Variants in BBS5 observed in about 807,000 individuals in gnomAD.
BBS5 encodes the protein BBSome complex member BBS5.
Under a neutral mutation model 50.2 loss-of-function variants are expected in BBS5, and 39 were observed. That is an observed-to-expected ratio of 0.78 (90% CI 0.60 to 1.01). The LOEUF (loss-of-function observed/expected upper bound fraction) is 1.01, where lower values mean the gene tolerates loss of function less well. Among genes scored for constraint, BBS5 ranks in the 50% least tolerant of loss-of-function variants. BBS5 has a pLI of 0.00. For missense variants in BBS5, 356 were observed against 401.5 expected (o/e 0.89, Z 0.97); for synonymous variants, 134 against 133.1 (o/e 1.01, Z -0.05).
chr2:169,479,649 G>T (rs749764100), intron 1 of BBS5, 37 bp downstream of exon 1: 158 of 1,612,114 alleles, frequency 9.8e-5, no homozygotes, highest in Non-Finnish European at 1.3e-4. Flanking sequence ...CTTCAACCCT[G>T]TAGAGGGCGC....
intron 10 of BBS5, among the ~76,000 whole-genome samples, chr2:169,504,089 A>AT (rs1163165348): frequency 2.6e-5 from 4 of 152,192 alleles, no homozygotes; most frequent in East Asian, 1.9e-4. Context: ...TACAAAGCAC[A>AT]TTTTTTACAA....
intron 2 of BBS5, among the ~76,000 whole-genome samples, chr2:169,486,199 C>T (rs1037393033): frequency 6.6e-6 from 1 of 152,142 alleles, no homozygotes; most frequent in Non-Finnish European, 1.5e-5. Context: ...TGATTTTAGA[C>T]ATTATAGAGG....
In BBS5 at chr2:169,492,973, T is replaced by C. The variant is rs1381683709; in HGVS notation, c.486T>C (p.Asp162=). ...TGTTGCCACAAGAACATGTATATGA[T>C]AAAATAAATGGAGTTTGGAATTTAT... ...LRLLPQEHVY[D]KINGVWNLSS... The change falls in exon 6 of 12, where the codon GAT becomes GAC. Residue 162 remains aspartate (D), a synonymous_variant. Transcript: ENST00000295240. The C allele has an allele frequency of 6.2e-7, 1 of 1,613,610 alleles. No homozygotes were observed. The highest frequency in any genetic ancestry group is 1.3e-5 in the African/African-American group (1 of 74,914).
rs992200486 is a variant in BBS5 at position 169,505,398 on chromosome 2, G to A, written c.*816G>A. On this transcript the variant is annotated 3_prime_UTR_variant, in exon 12 of 12. Coordinates refer to ENST00000295240, the MANE Select transcript of BBS5 (RefSeq NM_152384.3). ...CCACCCCGTCTGGGAAGTGAGGAGC[G>A]TCTCTGCCTGGCTGCCCATTGTCTG... 2.9e-5 allele frequency: 10 copies of A among 339,336 alleles called. No individual in the cohort carries two copies. The highest frequency in any genetic ancestry group is 6.6e-5 in the African/African-American group (3 of 45,250). 21.0% of individuals were successfully genotyped at this position (339,336 alleles called of 1,614,324 possible).
intron 9 of BBS5, among the ~76,000 whole-genome samples, chr2:169,500,387 C>T (rs1683777184): frequency 6.6e-6 from 1 of 152,226 alleles, no homozygotes; most frequent in South Asian, 2.1e-4. Flanking sequence ...ATCACTGGGA[C>T]AGTCACTCAC....
At chr2:169,498,794 G>A (rs1171869578) in intron 8 of BBS5, among the ~76,000 whole-genome samples, 2 of 142,156 alleles carry the variant, frequency 1.4e-5, no homozygotes, top group African/African-American at 2.6e-5. Context: ...CCGACAGAGC[G>A]AGACTCTGTC....
chr2:169,486,441 AG>A (rs1335527150), intron 2 of BBS5, among the ~76,000 whole-genome samples: 2 of 152,196 alleles, frequency 1.3e-5, no homozygotes, highest in African/African-American at 4.8e-5. Flanking sequence ...ACTATTGTAC[AG>A]GACACATTTT....
chr2:169,493,914 A>G (rs1683648841), intron 7 of BBS5, 78 bp downstream of exon 7: 1 of 943,368 alleles, frequency 1.1e-6, no homozygotes, highest in East Asian at 2.6e-5. Flanking sequence ...GGACTTTTAG[A>G]TGAGTTCTTT....
chr2:169,493,805 GT>G lies in BBS5; in HGVS notation c.591del (p.Phe197LeufsTer13). The G allele has an allele frequency of 6.2e-7, 1 of 1,611,140 alleles. No homozygotes were observed. Among genetic ancestry groups the G allele is most frequent in the Non-Finnish European group, 8.5e-7 (1 of 1,177,470 alleles). On this transcript the variant is annotated frameshift_variant, in exon 7 of 12. Transcript: ENST00000295240. LOFTEE classifies it high-confidence loss of function. Reference protein sequence around the residue: ...RIVWHANMNDSFNVSIPYLQI... With the variant: ...RIVWHANMNDXFNVSIPYLQI... Reference sequence around the variant, plus strand: ...GTGTGGCATGCAAATATGAATGATAGTTTTAATGTCAGTATACCATATCTGC... The same window carrying G: ...GTGTGGCATGCAAATATGAATGATAGTTTAATGTCAGTATACCATATCTGC...
Position 169,488,133 on chromosome 2 carries a change from G to A in BBS5, c.386+19G>A. ...TACACAGGTATAGTAATACTTTATG[G>A]ATTATTGAATATTTTTTGTTTACTC... is the stretch of plus-strand genomic sequence containing the variant. On this transcript the variant is annotated intron_variant, in intron 5 of 11. Transcript: ENST00000295240. 1.9e-6 allele frequency: 3 copies of A among 1,610,944 alleles called. No homozygotes were observed. The highest frequency in any genetic ancestry group is 1.7e-6 in the Non-Finnish European group (2 of 1,178,102).
rs532756977 is a variant in BBS5 at position 169,494,019 on chromosome 2, A to G, written c.618+183A>G. ...AATATTTCAATGTAGAAAAGATCCA[A>G]TTGTACTGCATTCCAGAGAAGCAGC... On this transcript the variant is annotated intron_variant, in intron 7 of 11. Transcript: ENST00000295240. Among the ~76,000 whole-genome samples, 5 of 152,360 alleles carry G rather than the reference A, an allele frequency of 3.3e-5. No homozygotes were observed. In the South Asian group the frequency reaches 8.3e-4, roughly 25 times the overall value.
intron 8 of BBS5, among the ~76,000 whole-genome samples, chr2:169,498,031 A>G (rs1158436355): frequency 6.6e-6 from 1 of 152,190 alleles, no homozygotes; most frequent in South Asian, 2.1e-4. Context: ...AAGGGAACTG[A>G]GGCTTTGAGA....
chr2:169,487,641 AT>A (rs898183375), intron 3 of BBS5, 164 bp from the exon 4 acceptor site: 9 of 494,332 alleles, frequency 1.8e-5, no homozygotes, highest in African/African-American at 1.8e-4. Flanking sequence ...AGTTTTTTTA[AT>A]TATTTAATTT....
At chr2:169,487,024 G>T (rs749282553) in intron 2 of BBS5, 45 bp from the exon 3 acceptor site, 4 of 1,295,492 alleles carry the variant, frequency 3.1e-6, no homozygotes, top group Admixed American at 1.7e-5. Context: ...CTGCAAAAAT[G>T]GGTTCTTATT....
chr2:169,493,334 G>A (rs992333646), intron 6 of BBS5, among the ~76,000 whole-genome samples: 2 of 151,790 alleles, frequency 1.3e-5, no homozygotes, highest in African/African-American at 2.4e-5. Flanking sequence ...ATATTCATGG[G>A]GATTATTACA....
At chr2:169,493,860 CT>C (rs758879759) in intron 7 of BBS5, 24 bp downstream of exon 7, 2 of 1,432,928 alleles carry the variant, frequency 1.4e-6, no homozygotes, top group South Asian at 2.4e-5. Context: ...TTTTGATGAC[CT>C]TATTTTAATG....
intron 5 of BBS5, among the ~76,000 whole-genome samples, chr2:169,489,504 C>G (rs1479570739): frequency 1.3e-5 from 2 of 150,676 alleles, no homozygotes; most frequent in Non-Finnish European, 3.0e-5. Context: ...CGGGGTCTCA[C>G]TTTGTTGTCC....
At chr2:169,485,017 A>G (rs1683465274) in intron 2 of BBS5, among the ~76,000 whole-genome samples, 1 of 152,166 alleles carries the variant, frequency 6.6e-6, no homozygotes. Context: ...TAGGAGATAT[A>G]CCAAGAGCAA....
chr2:169,503,832 G>T (rs187849856), intron 10 of BBS5, among the ~76,000 whole-genome samples: 54 of 152,258 alleles, frequency 3.5e-4, no homozygotes, highest in Non-Finnish European at 5.9e-5. Context: ...TGAAACAAAG[G>T]TGTGAAATTA....
Sources: allele counts gnomAD v4.1 joint callset (sites outside exome capture counted in the v4.1 genomes callset), GRCh38; gene constraint gnomAD v4.1.1; transcripts MANE v1.5; gene names NCBI Gene and HGNC (gene_info 2026-07-23, HGNC 2026-07-21).